The following ARMH3 variants were observed in gnomAD, a reference collection of about 807,000 sequenced individuals.
ARMH3 encodes armadillo like helical domain containing 3.
ARMH3 carries 60 observed loss-of-function variants against 99.1 expected under a neutral mutation model. That is an observed-to-expected ratio of 0.61 (90% CI 0.49 to 0.75). The LOEUF (loss-of-function observed/expected upper bound fraction) is 0.75. Ranked by LOEUF, ARMH3 falls within the 30% of genes least tolerant of loss-of-function variation. ARMH3 has a pLI of 0.00. For synonymous variants in ARMH3, 285 were observed against 292.8 expected, an observed-to-expected ratio of 0.97 and a Z score of 0.27; for missense variants, 679 against 843.1, an observed-to-expected ratio of 0.81 and a Z score of 2.41.
chr10:101,959,707 G>A (rs560905474), intron 20 of ARMH3, among the ~76,000 whole-genome samples: 4 of 152,154 alleles, frequency 2.6e-5, no homozygotes, highest in South Asian at 4.2e-4. Context: ...ACTCTGGCAC[G>A]GGCAACCTGT....
At chr10:101,980,072 A>G (rs1846161304) in intron 19 of ARMH3, among the ~76,000 whole-genome samples, 1 of 152,186 alleles carries the variant, frequency 6.6e-6, no homozygotes, top group Non-Finnish European at 1.5e-5. Flanking sequence ...CTTGGACTGT[A>G]CCCCTCTGGA....
chr10:101,946,701 T>C (rs1844547906), intron 22 of ARMH3, among the ~76,000 whole-genome samples: 1 of 152,028 alleles, frequency 6.6e-6, no homozygotes, highest in East Asian at 1.9e-4. Flanking sequence ...TGTGATACTA[T>C]AGTCTCAGAA....
chr10:101,955,456 T>G (rs975742635), intron 22 of ARMH3, among the ~76,000 whole-genome samples: 1 of 152,218 alleles, frequency 6.6e-6, no homozygotes, highest in African/African-American at 2.4e-5. Flanking sequence ...TAAGACATTA[T>G]AGCAAAGGTT....
rs368067596 is a variant in ARMH3, at chr10:101,847,570, G to A, written c.2028C>T (p.Leu676=). ...ACTCCTTGAGCAGGACTTCTTGGCT[G>A]AGTGTGTGGAAGGCCAGGTTTCTCC... ...NVRRNLAFHT[L]SQEVLLKEFS... The change falls in exon 26 of 26, where the codon CTC becomes CTT. Residue 676 remains leucine, a synonymous_variant. Coordinates refer to ENST00000370033, the MANE Select transcript of ARMH3 (RefSeq NM_024541.3). 124 of 1,614,074 alleles carry A rather than the reference G, an allele frequency of 7.7e-5. No individual in the cohort carries two copies. The highest frequency in any genetic ancestry group is 9.8e-5 in the Non-Finnish European group (116 of 1,180,026).
At chr10:102,028,827 G>A in intron 5 of ARMH3, among the ~76,000 whole-genome samples, 1 of 152,258 alleles carries the variant, frequency 6.6e-6, no homozygotes, top group Admixed American at 6.5e-5. Context: ...GATGATAATT[G>A]TATAATTCTA....
intron 23 of ARMH3, among the ~76,000 whole-genome samples, chr10:101,932,832 G>C (rs1306026322): frequency 2.0e-5 from 3 of 152,202 alleles, no homozygotes; most frequent in Non-Finnish European, 4.4e-5. Flanking sequence ...CCTGGAGATG[G>C]ATGTTGGTGA....
chr10:102,047,833 T>C (rs1416090956), intron 1 of ARMH3, among the ~76,000 whole-genome samples: 1 of 152,166 alleles, frequency 6.6e-6, no homozygotes, highest in Non-Finnish European at 1.5e-5. Context: ...GATTCTCAAC[T>C]GGTGCAATTT....
At chr10:101,905,230 G>T (rs1351745434) in intron 23 of ARMH3, among the ~76,000 whole-genome samples, 1 of 152,132 alleles carries the variant, frequency 6.6e-6, no homozygotes, top group Non-Finnish European at 1.5e-5. Context: ...GATGATTCTG[G>T]AAGACAATGA....
Position 102,051,472 on chromosome 10 carries a change from C to T in ARMH3, c.-12+4613G>A, listed in dbSNP as rs1044101204. 4.4e-4 allele frequency among the ~76,000 whole-genome samples: 63 copies of T among 143,810 alleles called. 1 individual carries two copies. The highest frequency in any genetic ancestry group is 1.6e-3 in the African/African-American group (62 of 38,482). The allele number at this position is 143,810 out of a possible 152,430, so 94.3% of individuals were successfully genotyped here. On this transcript the variant is annotated intron_variant, in intron 1 of 25. Transcript: ENST00000370033. ...TGGGCAACAGAGGGAGACTCCATTT[C>T]GGAAAAAAAAAAAAAAGAAAAAGAA...
chr10:101,970,584 G>A (rs1336991541), intron 20 of ARMH3, among the ~76,000 whole-genome samples: 2 of 152,110 alleles, frequency 1.3e-5, no homozygotes, highest in Non-Finnish European at 2.9e-5. Context: ...CAATTTGGGA[G>A]GCCAAAGCAG....
chr10:102,001,413 C>T (rs186918815), intron 15 of ARMH3, among the ~76,000 whole-genome samples: 62 of 152,248 alleles, frequency 4.1e-4, no homozygotes, highest in Admixed American at 3.5e-3. Flanking sequence ...AAATCACAAA[C>T]AGAGGAAAAA....
chr10:102,053,038 G>T (rs2067744364), intron 1 of ARMH3, among the ~76,000 whole-genome samples: 3 of 151,898 alleles, frequency 2.0e-5, no homozygotes, highest in Admixed American at 2.0e-4. Flanking sequence ...CTAAGAAGTT[G>T]AATCAATCTC....
chr10:101,995,990 AACAG>A (rs762970579), intron 15 of ARMH3, among the ~76,000 whole-genome samples: 1 of 152,244 alleles, frequency 6.6e-6, no homozygotes, highest in Non-Finnish European at 1.5e-5. Context: ...CACTGAATAA[AACAG>A]ACAAAGGTCC....
chr10:101,952,972 C>A (rs1003119598), intron 22 of ARMH3, among the ~76,000 whole-genome samples: 2 of 152,214 alleles, frequency 1.3e-5, no homozygotes, highest in South Asian at 4.1e-4. Context: ...ATACACACTG[C>A]AACATGTAAC....
chr10:102,044,218 C>G (rs1475551424), intron 1 of ARMH3, among the ~76,000 whole-genome samples: 1 of 151,850 alleles, frequency 6.6e-6, no homozygotes, highest in Non-Finnish European at 1.5e-5. Context: ...CTCAGCCTCC[C>G]CAGTAGCTGA....
intron 23 of ARMH3, 139 bp downstream of exon 23, chr10:101,939,724 A>G: frequency 3.3e-6 from 2 of 602,194 alleles, no homozygotes; most frequent in Non-Finnish European, 5.6e-6. Flanking sequence ...TTCTTGATCA[A>G]GTACGACAAT....
intron 22 of ARMH3, among the ~76,000 whole-genome samples, chr10:101,945,741 CAGA>C (rs1358770494): frequency 6.7e-6 from 1 of 150,310 alleles, no homozygotes; most frequent in Non-Finnish European, 1.5e-5. Flanking sequence ...AAAAAAAATC[CAGA>C]AGATTATAAC....
chr10:101,949,873 A>C (rs1404655238), intron 22 of ARMH3, among the ~76,000 whole-genome samples: 1 of 152,228 alleles, frequency 6.6e-6, no homozygotes, highest in East Asian at 1.9e-4. Flanking sequence ...CCATTTAAAA[A>C]TCAATCACTA....
intron 5 of ARMH3, among the ~76,000 whole-genome samples, chr10:102,028,727 A>C (rs575891098): frequency 6.6e-6 from 1 of 152,204 alleles, no homozygotes; most frequent in African/African-American, 2.4e-5. Context: ...ATGCTTGCCA[A>C]GGGTTGAGAA....
Sources: allele counts gnomAD v4.1 joint callset (sites outside exome capture counted in the v4.1 genomes callset), GRCh38; gene constraint gnomAD v4.1.1; transcripts MANE v1.5; gene names NCBI Gene and HGNC (gene_info 2026-07-23, HGNC 2026-07-21).